The following ATP1A2 variants were observed in gnomAD, a reference collection of about 807,000 sequenced individuals.
The protein encoded by ATP1A2 is ATPase Na+/K+ transporting subunit alpha 2.
A neutral mutation model predicts 113.1 loss-of-function variants in ATP1A2; 56 were observed. The observed-to-expected ratio is 0.49, with a 90% CI of 0.40 to 0.62. The LOEUF (loss-of-function observed/expected upper bound fraction) is 0.62. Among genes scored for constraint, ATP1A2 ranks in the 20% least tolerant of loss-of-function variants. The pLI is 0.00. For missense variants in ATP1A2, 712 were observed against 1,357.8 expected (o/e 0.52, Z 7.47); for synonymous variants, 490 against 526.8 (o/e 0.93, Z 0.96).
rs758749177 is a variant in ATP1A2, at chr1:160,135,928, A to G, written c.2374A>G (p.Ile792Val). 55 of 1,613,628 alleles carry G rather than the reference A, an allele frequency of 3.4e-5. No homozygotes were observed. Among genetic ancestry groups the G allele is most frequent in the African/African-American group, 5.4e-5 (4 of 74,758 alleles). The change falls in exon 17 of 23, where the codon ATT (isoleucine) becomes GTT (valine). Residue 792 changes from isoleucine to valine, a missense_variant. Physicochemically the swap from Ile to Val is conservative, Grantham distance 29. Coordinates refer to ENST00000361216, the MANE Select transcript of ATP1A2 (RefSeq NM_000702.4). This position sits in a 1 kb window ranked among gnomAD's most constrained non-coding sequence, Gnocchi z 6.3. ...PEITPFLLFI[I>V]ANIPLPLGTV... ...GATCACCCCCTTCCTGCTGTTCATC[A>G]TTGCCAACATCCCCCTACCTCTGGG... is the stretch of plus-strand genomic sequence containing the variant.
intron 1 of ATP1A2, 144 bp downstream of exon 1, chr1:160,116,017 C>T: frequency 7.3e-7 from 1 of 1,367,676 alleles, no homozygotes; most frequent in Non-Finnish European, 1.0e-6. Context: ...AGTCTCCAAA[C>T]TACCAATGTG....
chr1:160,118,687 CA>C (rs1399047319), intron 1 of ATP1A2, among the ~76,000 whole-genome samples: 2 of 152,128 alleles, frequency 1.3e-5, no homozygotes, highest in Admixed American at 6.5e-5. Flanking sequence ...CACTTCTGAG[CA>C]ACACAGCCTC....
Position 160,139,990 on chromosome 1 carries a change from C to G in ATP1A2, c.3034+6C>G. 1.2e-6 allele frequency: 2 copies of G among 1,613,252 alleles called. No homozygotes were observed. Among genetic ancestry groups the G allele is most frequent in the Non-Finnish European group, 8.5e-7 (1 of 1,179,834 alleles). ...CCTGCGGCGGTATCCTGGTGGTAAGCCCCTCCACATTCCCCCCAGCAAAGT... is the reference window on the plus strand; with the variant it reads ...CCTGCGGCGGTATCCTGGTGGTAAGGCCCTCCACATTCCCCCCAGCAAAGT... On this transcript the variant is annotated splice_donor_region_variant and intron_variant, in intron 22 of 22. Transcript: ENST00000361216.
At chr1:160,132,005 G>A (rs911439386) in intron 13 of ATP1A2, among the ~76,000 whole-genome samples, 2 of 152,174 alleles carry the variant, frequency 1.3e-5, no homozygotes, top group Non-Finnish European at 2.9e-5. Flanking sequence ...AACCATCACG[G>A]AGGCCTGGGC....
At chr1:160,124,260 A>G (rs1171658094) in intron 5 of ATP1A2, 36 bp from the exon 6 acceptor site, 19 of 1,573,138 alleles carry the variant, frequency 1.2e-5, no homozygotes, top group Admixed American at 3.7e-5. Flanking sequence ...AGGGGCAGAG[A>G]CAAGCATTTC....
At position 160,135,113 on chromosome 1, in the gene ATP1A2, G is replaced by T. The variant is rs780850325; in HGVS notation, c.1965-32G>T. On this transcript the variant is annotated intron_variant, in intron 14 of 22. Transcript: ENST00000361216. This position sits in a 1 kb window ranked among gnomAD's most constrained non-coding sequence, Gnocchi z 6.3. ...GGAGGGGCTGGTACAGGTGCCAGGGGTCAGCTGTCTCTGTCCCCACCCACC... is the reference window on the plus strand; with the variant it reads ...GGAGGGGCTGGTACAGGTGCCAGGGTTCAGCTGTCTCTGTCCCCACCCACC... 16 of 1,613,656 alleles carry T rather than the reference G, an allele frequency of 9.9e-6. No individual in the cohort carries two copies. The South Asian group carries it at 1.6e-4, about 17-fold the overall frequency.
chr1:160,139,782 G>A, intron 21 of ATP1A2, 41 bp downstream of exon 21: 1 of 1,612,972 alleles, frequency 6.2e-7, no homozygotes, highest in South Asian at 1.1e-5. Context: ...TCATACGGGG[G>A]GCCTTCAGCC....
In ATP1A2 at chr1:160,129,331, A is replaced by C; in HGVS notation, c.1392A>C (p.Ser464=). Residue 464 remains serine, a synonymous_variant, in exon 11 of 23, where the codon TCA becomes TCC. Coordinates refer to ENST00000361216, the MANE Select transcript of ATP1A2 (RefSeq NM_000702.4). The stretch of plus-strand genomic sequence containing the variant: ...AGTGCATTGAGCTCTCCTGTGGCTC[A>C]GTGAGGAAAATGAGAGACAGAAACC... The part of the protein sequence containing the change: ...LLKCIELSCG[S]VRKMRDRNPK... The C allele has an allele frequency of 1.2e-6, 2 of 1,614,200 alleles. No individual in the cohort carries two copies. Among genetic ancestry groups the C allele is most frequent in the South Asian group, 1.1e-5 (1 of 91,088 alleles).
At position 160,143,514 on chromosome 1, in the gene ATP1A2, C is replaced by A. The variant is rs1308495595; in HGVS notation, c.*2192C>A. The A allele has an allele frequency of 2.6e-5, 4 of 152,480 alleles. No homozygotes were observed. Among genetic ancestry groups the A allele is most frequent in the African/African-American group, 9.7e-5 (4 of 41,380 alleles). The allele number at this position is 152,480 out of a possible 1,614,324, so 9.4% of individuals were successfully genotyped here. On this transcript the variant is annotated 3_prime_UTR_variant, in exon 23 of 23. Coordinates refer to ENST00000361216, the MANE Select transcript of ATP1A2 (RefSeq NM_000702.4). ...ACATCTACAGGATCTTTATTGGTGA[C>A]CTTTTGTAAGACATTAGTTTGAGGT...
chr1:160,132,956 A>G (rs1651815380), intron 13 of ATP1A2, among the ~76,000 whole-genome samples: 1 of 152,118 alleles, frequency 6.6e-6, no homozygotes, highest in Non-Finnish European at 1.5e-5. Context: ...GTAGGAACCA[A>G]TGCCATTTAA....
intron 3 of ATP1A2, among the ~76,000 whole-genome samples, chr1:160,122,421 A>AATG (rs771813542): frequency 1.4e-4 from 2 of 14,100 alleles, no homozygotes; most frequent in Non-Finnish European, 1.1e-3. Flanking sequence ...TGAATGAATG[A>AATG]AAAAAAAAAA....
At chr1:160,139,530 C>A in intron 20 of ATP1A2, 110 bp from the exon 21 acceptor site, 2 of 917,424 alleles carry the variant, frequency 2.2e-6, no homozygotes, top group Middle Eastern at 2.1e-4. Flanking sequence ...AGACATGCGA[C>A]TATGTCGTTT....
Position 160,135,393 on chromosome 1 carries a change from G to A in ATP1A2, c.2116-41G>A. On this transcript the variant is annotated intron_variant, in intron 15 of 22. Transcript: ENST00000361216. The surrounding 1 kb of genome is among the most constrained non-coding windows in gnomAD (Gnocchi z 6.3). ...AGTGAGAGGCGAGGAGCCAGGCTTG[G>A]GAAGGGGTTTCGTCCTCAAGTGTGG... 6.2e-7 allele frequency: 1 copy of A among 1,614,204 alleles called. No homozygotes were observed. The highest frequency in any genetic ancestry group is 8.5e-7 in the Non-Finnish European group (1 of 1,180,044).
At chr1:160,122,988 G>A (rs1473090558) in intron 3 of ATP1A2, among the ~76,000 whole-genome samples, 2 of 152,134 alleles carry the variant, frequency 1.3e-5, no homozygotes, top group Non-Finnish European at 2.9e-5. Context: ...AATATAATTA[G>A]GGGTCAAGCC....
intron 13 of ATP1A2, among the ~76,000 whole-genome samples, chr1:160,131,964 T>G (rs1651789292): frequency 6.6e-6 from 1 of 152,246 alleles, no homozygotes. Context: ...GAGCTCCTGC[T>G]GCTTGGCCAG....
Position 160,136,694 on chromosome 1 carries a change from G to A in ATP1A2, c.2688G>A (p.Glu896=). The part of the protein sequence containing the change: ...DWDDRTMNDL[E]DSYGQEWTYE... ...ATGACCGGACCATGAATGATCTGGA[G>A]GACAGCTATGGACAGGAGTGGGTGA... Residue 896 remains glutamate, a synonymous_variant, in exon 19 of 23, where the codon GAG becomes GAA. Transcript: ENST00000361216. 2 of 1,614,248 alleles carry A rather than the reference G, an allele frequency of 1.2e-6. No homozygotes were observed. The highest frequency in any genetic ancestry group is 1.7e-5 in the Admixed American group (1 of 60,030).
At chr1:160,130,005 G>A in intron 11 of ATP1A2, 97 bp from the exon 12 acceptor site, 1 of 1,465,954 alleles carries the variant, frequency 6.8e-7, no homozygotes, top group African/African-American at 1.4e-5. Context: ...ATGGGTTGGG[G>A]CTACTTTTCT....
chr1:160,126,197 C>G (rs1651581098), intron 7 of ATP1A2, among the ~76,000 whole-genome samples: 1 of 152,126 alleles, frequency 6.6e-6, no homozygotes, highest in Non-Finnish European at 1.5e-5. Context: ...CTCAAAGGCC[C>G]TGATATGAAA....
rs1041150838 is a variant in ATP1A2 at position 160,141,462 on chromosome 1, T to C, written c.*140T>C. ...GAGATAATGAGGCAACTCAGCAGGC[T>C]AAGTTGCGGGGTATATAAATTGGGG... On this transcript the variant is annotated 3_prime_UTR_variant, in exon 23 of 23. Transcript: ENST00000361216. 10 of 1,084,818 alleles carry C rather than the reference T, an allele frequency of 9.2e-6. No individual in the cohort carries two copies. The highest frequency in any genetic ancestry group is 2.3e-4 in the Middle Eastern group (1 of 4,376). The allele number at this position is 1,084,818 out of a possible 1,614,324, so 67.2% of individuals were successfully genotyped here.
Sources: gnomAD v4.1 joint callset for allele counts (sites outside exome capture counted in the v4.1 genomes callset) on GRCh38, gnomAD v4.1.1 for gene constraint, Gnocchi (gnomAD v3.1) non-coding constraint, MANE v1.5 for transcripts, NCBI Gene and HGNC (gene_info 2026-07-23, HGNC 2026-07-21) for gene names.